Variants in TP73 observed in about 807,000 individuals in gnomAD.
TP73 encodes the protein p53-like transcription factor.
A neutral mutation model predicts 62.5 loss-of-function variants in TP73; 25 were observed. The ratio of observed to expected loss-of-function variants is 0.40; its 90% CI spans 0.29 to 0.56. The LOEUF is 0.56. Among genes scored for constraint, TP73 ranks in the 20% least tolerant of loss-of-function variants. TP73 has a pLI of 0.46. For missense variants in TP73, 754 were observed against 913.3 expected, an observed-to-expected ratio of 0.83 and a Z score of 2.25; for synonymous variants, 423 against 377.5, an observed-to-expected ratio of 1.12 and a Z score of -1.40.
intron 4 of TP73, among the ~76,000 whole-genome samples, chr1:3,713,370 C>T (rs1038507489): frequency 3.3e-5 from 5 of 152,238 alleles, no homozygotes; most frequent in Non-Finnish European, 5.9e-5. Context: ...CCACTAACTC[C>T]CGTTGACAGG....
intron 4 of TP73, 46 bp from the exon 5 acceptor site, chr1:3,721,975 G>T: frequency 6.5e-7 from 1 of 1,545,698 alleles, no homozygotes; most frequent in Non-Finnish European, 8.8e-7. Context: ...GGACAGGGGT[G>T]CAGTTGGGAC....
chr1:3,690,186 G>C (rs1048986033), intron 3 of TP73, among the ~76,000 whole-genome samples: 6 of 152,180 alleles, frequency 3.9e-5, no homozygotes, highest in Non-Finnish European at 8.8e-5. Flanking sequence ...GCAGTGGAAG[G>C]CAGGCCCCAC....
In TP73 at chr1:3,717,558, G is replaced by A. The variant is rs374307796; in HGVS notation, c.430-4463G>A. ...AAGGAGAAGGCAGGAGGGGGGCGGC[G>A]GAGGGGAAGTGTCTCCACGTGACCT... On this transcript the variant is annotated intron_variant, in intron 4 of 13. Coordinates refer to ENST00000378295, the MANE Select transcript of TP73 (RefSeq NM_005427.4). 3.0e-3 allele frequency among the ~76,000 whole-genome samples: 457 copies of A among 152,318 alleles called. 2 individuals carry two copies. The highest frequency in any genetic ancestry group is 0.01 in the African/African-American group (435 of 41,584).
chr1:3,713,742 C>G (rs866531786), intron 4 of TP73, among the ~76,000 whole-genome samples: 10 of 152,266 alleles, frequency 6.6e-5, no homozygotes, highest in Non-Finnish European at 1.5e-4. Context: ...TCCAGGGTGT[C>G]CCGGCTGGAA....
At chr1:3,714,074 A>C (rs1315958042) in intron 4 of TP73, 2 of 152,138 alleles carry the variant, frequency 1.3e-5, no homozygotes, top group Admixed American at 1.3e-4. Flanking sequence ...CGTTGGGGAG[A>C]CACCACTCTC....
chr1:3,680,109 GTCTC>G, intron 1 of TP73, among the ~76,000 whole-genome samples: 1 of 152,088 alleles, frequency 6.6e-6, no homozygotes, highest in East Asian at 1.9e-4. Context: ...CTCTGTCTCT[GTCTC>G]TCTCTGTCTT....
rs1446119228 is a variant in TP73 at position 3,670,472 on chromosome 1, C to T, written c.-33-11861C>T. On this transcript the variant is annotated intron_variant, in intron 1 of 13. Transcript: ENST00000378295. The surrounding 1 kb of genome is among the most constrained non-coding windows in gnomAD (Gnocchi z 5.9). ...CAGAGGTCAGGAGTTCGAGAGCAAC[C>T]TGGCCAACATGGTGAACCCTGTCTC... is the stretch of plus-strand genomic sequence containing the variant. Among the ~76,000 whole-genome samples, 1 of 151,986 alleles carries T rather than the reference C, an allele frequency of 6.6e-6. No homozygotes were observed. Among genetic ancestry groups the T allele is most frequent in the Non-Finnish European group, 1.5e-5 (1 of 68,006 alleles).
chr1:3,709,642 C>T (rs954630238), intron 4 of TP73, among the ~76,000 whole-genome samples: 1 of 152,246 alleles, frequency 6.6e-6, no homozygotes, highest in Non-Finnish European at 1.5e-5. Flanking sequence ...GCATCCTCAC[C>T]TGCACACCTC....
chr1:3,729,487 G>T, intron 10 of TP73, 39 bp downstream of exon 10: 1 of 1,611,388 alleles, frequency 6.2e-7, no homozygotes, highest in South Asian at 1.1e-5. Context: ...TGGGGAAGGA[G>T]GACATGGCTT....
intron 1 of TP73, among the ~76,000 whole-genome samples, chr1:3,675,473 G>A (rs932182601): frequency 6.6e-6 from 1 of 152,186 alleles, no homozygotes; most frequent in Admixed American, 6.5e-5. Context: ...GGCCCGGGGC[G>A]GGTGGAGTTC....
chr1:3,733,339 ACT>A lies in TP73; in HGVS notation c.*264_*265del. Reference sequence around the variant, plus strand: ...GGGCTTGTGGGGCGGGGGCTGGCCCACTCTCAGCCCTGCCACTGCCCCGGCGT... The same window carrying A: ...GGGCTTGTGGGGCGGGGGCTGGCCCACTCAGCCCTGCCACTGCCCCGGCGT... On this transcript the variant is annotated 3_prime_UTR_variant, in exon 14 of 14. Coordinates refer to ENST00000378295, the MANE Select transcript of TP73 (RefSeq NM_005427.4). The A allele has an allele frequency of 1.9e-6, 1 of 540,360 alleles. No homozygotes were observed. Among genetic ancestry groups the A allele is most frequent in the Non-Finnish European group, 3.3e-6 (1 of 304,896 alleles). The allele number at this position is 540,360 out of a possible 1,614,324, so 33.5% of individuals were successfully genotyped here.
chr1:3,708,514 T>A (rs1224479806), intron 4 of TP73: 2 of 152,348 alleles, frequency 1.3e-5, no homozygotes, highest in Non-Finnish European at 2.9e-5. Context: ...ACTGCTCCCC[T>A]TTTACAGCCA....
At chr1:3,678,942 A>G (rs1217170115) in intron 1 of TP73, among the ~76,000 whole-genome samples, 4 of 152,318 alleles carry the variant, frequency 2.6e-5, no homozygotes, top group Non-Finnish European at 5.9e-5. Context: ...GCGTGGAGGA[A>G]GCCCCTTTCC....
intron 4 of TP73, among the ~76,000 whole-genome samples, chr1:3,720,376 C>T (rs1386495441): frequency 6.6e-6 from 1 of 152,208 alleles, no homozygotes; most frequent in Non-Finnish European, 1.5e-5. Context: ...CACTCTGGCT[C>T]CAGGGGCTCC....
intron 6 of TP73, among the ~76,000 whole-genome samples, chr1:3,725,862 G>A (rs2124503012): frequency 1.1e-5 from 1 of 92,458 alleles, no homozygotes; most frequent in Non-Finnish European, 2.3e-5. Context: ...GGATGGAGTG[G>A]GTGGGTGGGT....
chr1:3,684,271 G>C (rs998864122), intron 3 of TP73, among the ~76,000 whole-genome samples: 1 of 152,158 alleles, frequency 6.6e-6, no homozygotes, highest in Non-Finnish European at 1.5e-5. Context: ...ATTTGTTTGC[G>C]CTGCGGAAAA....
At chr1:3,695,670 G>A (rs1638582421) in intron 3 of TP73, among the ~76,000 whole-genome samples, 1 of 152,258 alleles carries the variant, frequency 6.6e-6, no homozygotes, top group African/African-American at 2.4e-5. Flanking sequence ...TGGGGCGGGG[G>A]GAAGCCAATC....
At chr1:3,719,620 G>A (rs1160973656) in intron 4 of TP73, among the ~76,000 whole-genome samples, 3 of 152,256 alleles carry the variant, frequency 2.0e-5, no homozygotes, top group African/African-American at 7.2e-5. Context: ...CAGAGGGTCT[G>A]TGCTGCGAGC....
At position 3,703,214 on chromosome 1, in the gene TP73, G is replaced by A. The variant is rs552088502; in HGVS notation, c.187-4335G>A. 1.5e-4 allele frequency among the ~76,000 whole-genome samples: 23 copies of A among 152,330 alleles called. No individual in the cohort carries two copies. The East Asian group carries it at 1.7e-3, about 12-fold the overall frequency. ...GGCGGTGACCACAGGCAGGGCCAGCGTGCAGGGAGAGAGGTCCCCTGGAAG... is the reference window on the plus strand; with the variant it reads ...GGCGGTGACCACAGGCAGGGCCAGCATGCAGGGAGAGAGGTCCCCTGGAAG... On this transcript the variant is annotated intron_variant, in intron 3 of 13. Transcript: ENST00000378295.
Sources: gnomAD v4.1 joint callset for allele counts (sites outside exome capture counted in the v4.1 genomes callset) on GRCh38, gnomAD v4.1.1 for gene constraint, Gnocchi (gnomAD v3.1) non-coding constraint, MANE v1.5 for transcripts, NCBI Gene and HGNC (gene_info 2026-07-23, HGNC 2026-07-21) for gene names.